MCM8: variants seen among roughly 807,000 people sequenced by gnomAD.
MCM8 encodes the protein DNA helicase MCM8.
In MCM8, 85 loss-of-function variants were observed where a neutral mutation model predicts 98.9. The ratio of observed to expected loss-of-function variants is 0.86; its 90% confidence interval spans 0.72 to 1.03. MCM8 has a LOEUF of 1.03. Among genes scored for constraint, MCM8 ranks in the 50% least tolerant of loss-of-function variants. The probability of loss-of-function intolerance (pLI) is 0.00; values close to 1 mark genes in which losing one functional copy is unlikely to be tolerated. For synonymous variants in MCM8, 352 were observed against 338.6 expected, an observed-to-expected ratio of 1.04 and a Z score of -0.44; for missense variants, 951 against 997.8, an observed-to-expected ratio of 0.95 and a Z score of 0.63.
rs200872754 is a variant in MCM8, at chr20:5,993,694, A to G, written c.2429A>G (p.Gln810Arg). ...CAGATTGCCAAAGAACTAAACATTC[A>G]GGTATGTTAAACTAGTTAATCTCTT... ...LRQIAKELNI[Q>R]VADFENFIGS... The change falls in exon 18 of 19, where the codon CAG (glutamine) becomes CGG (arginine). Residue 810 changes from glutamine (Q) to arginine (R), a missense_variant and splice_region_variant. By Grantham distance (43) the Gln-to-Arg change is conservative. Transcript: ENST00000610722. 34 of 1,595,038 alleles carry G rather than the reference A, an allele frequency of 2.1e-5. No homozygotes were observed. The African/African-American group carries it at 4.0e-4, about 19-fold the overall frequency.
At chr20:5,980,387 A>G (rs2089605489) in intron 13 of MCM8, among the ~76,000 whole-genome samples, 1 of 152,238 alleles carries the variant, frequency 6.6e-6, no homozygotes, top group South Asian at 2.1e-4. Flanking sequence ...TATAGAAGGC[A>G]TTCAGTTTAT....
chr20:5,954,716 C>T (rs1039005699), intron 4 of MCM8, 26 bp downstream of exon 4: 6 of 1,335,052 alleles, frequency 4.5e-6, no homozygotes, highest in Non-Finnish European at 6.5e-6. Flanking sequence ...AGCAAAGCTA[C>T]CAGTCATGTG....
intron 12 of MCM8, among the ~76,000 whole-genome samples, chr20:5,977,642 C>A (rs1053259847): frequency 6.6e-6 from 1 of 152,202 alleles, no homozygotes; most frequent in African/African-American, 2.4e-5. Flanking sequence ...TTGATTGAAT[C>A]CTGACTTTCC....
intron 17 of MCM8, 83 bp downstream of exon 17, chr20:5,987,441 T>C (rs1399288299): frequency 1.8e-6 from 2 of 1,091,682 alleles, no homozygotes; most frequent in Non-Finnish European, 2.7e-6. Context: ...AAGGCTACTT[T>C]TATTTAGCCC....
chr20:5,988,321 G>A (rs2089774764), intron 17 of MCM8, among the ~76,000 whole-genome samples: 1 of 152,074 alleles, frequency 6.6e-6, no homozygotes, highest in African/African-American at 2.4e-5. Flanking sequence ...AATTAGCTGG[G>A]CGTGGTGGCT....
intron 12 of MCM8, among the ~76,000 whole-genome samples, chr20:5,976,964 T>C (rs1399921822): frequency 6.6e-6 from 1 of 152,116 alleles, no homozygotes; most frequent in African/African-American, 2.4e-5. Flanking sequence ...AAATAATAAA[T>C]ATAACAAAAC....
chr20:5,977,788 G>GC, intron 12 of MCM8, 88 bp from the exon 13 acceptor site: 1 of 1,392,682 alleles, frequency 7.2e-7, no homozygotes, highest in Non-Finnish European at 9.9e-7. Context: ...AGAATACCTA[G>GC]CATATACCTA....
At chr20:5,970,745 A>G (rs1291357339) in intron 10 of MCM8, among the ~76,000 whole-genome samples, 1 of 152,070 alleles carries the variant, frequency 6.6e-6, no homozygotes, top group Non-Finnish European at 1.5e-5. Context: ...TTTCTCTCCC[A>G]CCCTATTTTT....
chr20:5,973,196 G>A lies in MCM8; in HGVS notation c.1395G>A (p.Gln465=), dbSNP rs1293952845. ...DPGLGKSQML[Q]AACNVAPRGV... Reference sequence around the variant, plus strand: ...GCCTAGGAAAAAGTCAAATGCTACAGGTAGACAATCAGTCATTTAGTGTTT... The same window carrying A: ...GCCTAGGAAAAAGTCAAATGCTACAAGTAGACAATCAGTCATTTAGTGTTT... Residue 465 remains glutamine (Q), a splice_region_variant and synonymous_variant, in exon 12 of 19, where the codon CAG becomes CAA. Coordinates refer to ENST00000610722, the MANE Select transcript of MCM8 (RefSeq NM_032485.6). The A allele has an allele frequency of 1.9e-6, 3 of 1,613,770 alleles. No individual in the cohort carries two copies. Among genetic ancestry groups the A allele is most frequent in the Non-Finnish European group, 2.5e-6 (3 of 1,179,814 alleles).
chr20:5,979,186 C>A (rs236105), intron 13 of MCM8, among the ~76,000 whole-genome samples: 1 of 151,926 alleles, frequency 6.6e-6, no homozygotes, highest in Non-Finnish European at 1.5e-5. Context: ...CCTTGAGACC[C>A]TTGAAACTCT....
chr20:5,984,874 G>A lies in MCM8; in HGVS notation c.1827G>A (p.Val609=), dbSNP rs2089698175. ...EHHDHLLSEH[V]IAIRAGKQRT... ...ATGATCACTTACTCTCTGAACATGT[G>A]ATTGCAATAAGAGCTGGAAAGCAGA... The change falls in exon 15 of 19, where the codon GTG becomes GTA. Residue 609 remains valine (V), a synonymous_variant. Transcript: ENST00000610722. 1.2e-6 allele frequency: 2 copies of A among 1,614,078 alleles called. No individual in the cohort carries two copies. Among genetic ancestry groups the A allele is most frequent in the African/African-American group, 1.3e-5 (1 of 75,038 alleles).
chr20:5,993,659 T>C lies in MCM8; in HGVS notation c.2394T>C (p.His798=), dbSNP rs1262445228. Residue 798 remains histidine (H), a synonymous_variant, in exon 18 of 19, where the codon CAT becomes CAC. Transcript: ENST00000610722. ...ERTYNNIFQF[H]QLRQIAKELN... is the part of the protein sequence containing the mutation. ...CTTATAATAATATATTTCAATTTCATCAACTTCGGCAGATTGCCAAAGAAC... is the reference window on the plus strand; with the variant it reads ...CTTATAATAATATATTTCAATTTCACCAACTTCGGCAGATTGCCAAAGAAC... The C allele has an allele frequency of 6.2e-7, 1 of 1,607,972 alleles. No homozygotes were observed.
chr20:5,994,263 A>G (rs1332833630), intron 18 of MCM8, 36 bp from the exon 19 acceptor site: 2 of 1,237,110 alleles, frequency 1.6e-6, no homozygotes, highest in Non-Finnish European at 2.3e-6. Context: ...TTGACATGTT[A>G]CTTAATGGGC....
chr20:5,979,823 G>T (rs1369336909), intron 13 of MCM8, among the ~76,000 whole-genome samples: 1 of 152,110 alleles, frequency 6.6e-6, no homozygotes, highest in African/African-American at 2.4e-5. Flanking sequence ...TGTTACTCTT[G>T]CTCATAACCC....
intron 10 of MCM8, among the ~76,000 whole-genome samples, chr20:5,971,201 G>A (rs2089394263): frequency 6.6e-6 from 1 of 152,142 alleles, no homozygotes; most frequent in African/African-American, 2.4e-5. Flanking sequence ...GACTGATTCA[G>A]GCCACAAAGG....
intron 1 of MCM8, among the ~76,000 whole-genome samples, chr20:5,951,386 CT>C (rs2088817920): frequency 6.6e-6 from 1 of 152,202 alleles, no homozygotes; most frequent in Non-Finnish European, 1.5e-5. Flanking sequence ...AACTAAACCC[CT>C]TTTAAGTAAG....
At chr20:5,974,033 T>A (rs1054244679) in intron 12 of MCM8, among the ~76,000 whole-genome samples, 1 of 152,110 alleles carries the variant, frequency 6.6e-6, no homozygotes, top group African/African-American at 2.4e-5. Flanking sequence ...AGCCTAGTGG[T>A]TTTCCTTTCC....
intron 13 of MCM8, among the ~76,000 whole-genome samples, chr20:5,982,504 T>C (rs2089649088): frequency 6.6e-6 from 1 of 152,136 alleles, no homozygotes; most frequent in African/African-American, 2.4e-5. Flanking sequence ...TTAAAGAGAT[T>C]AAGTGATTTC....
At position 5,984,860 on chromosome 20, in the gene MCM8, C is replaced by G; in HGVS notation, c.1813C>G (p.Leu605Val). 1.2e-6 allele frequency: 2 copies of G among 1,614,046 alleles called. No homozygotes were observed. Among genetic ancestry groups the G allele is most frequent in the Non-Finnish European group, 1.7e-6 (2 of 1,179,910 alleles). ...DTPNEHHDHLLSEHVIAIRAG... is the reference protein window; with the variant it reads ...DTPNEHHDHLVSEHVIAIRAG... The stretch of plus-strand genomic sequence containing the variant: ...TCCAAATGAGCATCATGATCACTTA[C>G]TCTCTGAACATGTGATTGCAATAAG... The change falls in exon 15 of 19, where the codon CTC (leucine) becomes GTC (valine). Residue 605 changes from leucine (L) to valine (V), a missense_variant. Physicochemically the swap from Leu to Val is conservative, Grantham distance 32. Coordinates refer to ENST00000610722, the MANE Select transcript of MCM8 (RefSeq NM_032485.6).
Sources: allele counts gnomAD v4.1 joint callset (sites outside exome capture counted in the v4.1 genomes callset), GRCh38; gene constraint gnomAD v4.1.1; transcripts MANE v1.5; gene names NCBI Gene and HGNC (gene_info 2026-07-23, HGNC 2026-07-21).